Variants in PDE1C observed in about 807,000 individuals in gnomAD.
The protein encoded by PDE1C is phosphodiesterase 1C, also known as dual specificity calcium/calmodulin-dependent 3',5'-cyclic nucleotide phosphodiesterase 1C.
In PDE1C, 62 loss-of-function variants were observed where a neutral mutation model predicts 93.1. The observed-to-expected ratio is 0.67, with a 90% CI of 0.54 to 0.82. The LOEUF (loss-of-function observed/expected upper bound fraction) is 0.82, where lower values mean the gene tolerates loss of function less well. PDE1C is among the 40% of genes least tolerant of loss of function. The pLI is 0.00. For synonymous variants in PDE1C, 325 were observed against 310.1 expected, an observed-to-expected ratio of 1.05 and a Z score of -0.50; for missense variants, 742 against 884.6, an observed-to-expected ratio of 0.84 and a Z score of 2.04.
chr7:31,980,427 C>CA (rs1159973151), intron 2 of PDE1C, among the ~76,000 whole-genome samples: 1 of 152,192 alleles, frequency 6.6e-6, no homozygotes, highest in African/African-American at 2.4e-5. Context: ...ATTTGCCTAA[C>CA]ACCTCTGAGT....
rs190423160 is a variant in PDE1C, at chr7:31,930,949, C to T, written c.129-50089G>A. ...TGTTCAACATATGAAAATCAATAAA[C>T]GTAATCCATCACATAAACAGAACCA... On this transcript the variant is annotated intron_variant, in intron 2 of 17. Coordinates refer to ENST00000396191, the MANE Select transcript of PDE1C (RefSeq NM_001191057.4). Among the ~76,000 whole-genome samples the T allele has an allele frequency of 2.3e-3, 331 of 146,552 alleles. 2 individuals carry two copies. Among genetic ancestry groups the T allele is most frequent in the Middle Eastern group, 0.014 (4 of 278 alleles).
intron 2 of PDE1C, among the ~76,000 whole-genome samples, chr7:31,996,344 T>TG (rs1784728406): frequency 3.5e-5 from 5 of 143,018 alleles, no homozygotes; most frequent in Admixed American, 3.5e-4. Flanking sequence ...TCACCCACAA[T>TG]GATCTTCAAA....
At chr7:32,084,001 A>C (rs958458601) in intron 3 of PDE1C, among the ~76,000 whole-genome samples, 3 of 151,322 alleles carry the variant, frequency 2.0e-5, no homozygotes, top group Non-Finnish European at 2.9e-5. Flanking sequence ...ACACATAACA[A>C]TATTAACTTT....
intron 2 of PDE1C, among the ~76,000 whole-genome samples, chr7:32,040,877 C>A (rs1030123832): frequency 6.6e-6 from 1 of 152,078 alleles, no homozygotes; most frequent in Non-Finnish European, 1.5e-5. Context: ...ATTCCATGTG[C>A]CCCAAAAGAC....
At chr7:31,836,048 G>A (rs1430516271) in intron 11 of PDE1C, among the ~76,000 whole-genome samples, 1 of 152,212 alleles carries the variant, frequency 6.6e-6, no homozygotes, top group Non-Finnish European at 1.5e-5. Flanking sequence ...AATCCATGCT[G>A]TTGAATCTCT....
intron 2 of PDE1C, among the ~76,000 whole-genome samples, chr7:32,021,868 C>G (rs1449905015): frequency 6.6e-6 from 1 of 151,868 alleles, no homozygotes; most frequent in Non-Finnish European, 1.5e-5. Flanking sequence ...GCTCCTCTCT[C>G]AAGAAAAAAA....
intron 17 of PDE1C, among the ~76,000 whole-genome samples, chr7:31,757,114 C>T (rs1794517456): frequency 6.6e-6 from 1 of 152,172 alleles, no homozygotes; most frequent in Non-Finnish European, 1.5e-5. Context: ...TTAGAATATG[C>T]TACTGTGATA....
the PDE1C span, among the ~76,000 whole-genome samples, chr7:31,628,108 G>A: frequency 1.1e-3 from 172 of 152,334 alleles, 1 homozygote; most frequent in Admixed American, 2.6e-3. Context: ...CCTGAGAAGA[G>A]AGACCTCTCA....
the PDE1C span, among the ~76,000 whole-genome samples, chr7:31,679,283 A>G: frequency 6.6e-6 from 1 of 152,198 alleles, no homozygotes; most frequent in Non-Finnish European, 1.5e-5. Context: ...GCAAAAGGCA[A>G]GAGAGTTTCC....
chr7:31,928,253 A>C (rs12216638), intron 2 of PDE1C, among the ~76,000 whole-genome samples: 54,292 of 151,782 alleles, frequency 0.36, 10,870 homozygotes, highest in Non-Finnish European at 0.44. Context: ...AAGAATGAAA[A>C]GGAACAAATA....
At position 31,987,626 on chromosome 7, in the gene PDE1C, C is replaced by G. The variant is rs1011353669; in HGVS notation, c.128+63928G>C. Among the ~76,000 whole-genome samples the G allele has an allele frequency of 2.0e-5, 3 of 152,186 alleles. No individual in the cohort carries two copies. The South Asian group carries it at 6.2e-4, about 32-fold the overall frequency. On this transcript the variant is annotated intron_variant, in intron 2 of 17. Transcript: ENST00000396191. ...GCCAGGGTCTTGGATAATAAAATAT[C>G]CCCTTCCCTAATAAAACCAACTTAT...
chr7:31,960,429 C>T (rs2129030625), intron 2 of PDE1C, among the ~76,000 whole-genome samples: 1 of 152,158 alleles, frequency 6.6e-6, no homozygotes, highest in East Asian at 1.9e-4. Context: ...AGTCTTGACC[C>T]TTCAAATTAC....
At chr7:32,400,329 G>A (rs1385638395) in intron 1 of PDE1C, among the ~76,000 whole-genome samples, 1 of 152,148 alleles carries the variant, frequency 6.6e-6, no homozygotes, top group Non-Finnish European at 1.5e-5. Flanking sequence ...CTCAAGGCAT[G>A]ACCTTTGACA....
intron 1 of PDE1C, among the ~76,000 whole-genome samples, chr7:32,366,485 G>T (rs1784231034): frequency 6.6e-6 from 1 of 152,016 alleles, no homozygotes; most frequent in African/African-American, 2.4e-5. Flanking sequence ...GAATGAAAAA[G>T]ATATAGGGAA....
rs1449399709 is a variant in PDE1C, at chr7:31,829,615, T to C, written c.1204-1242A>G. Among the ~76,000 whole-genome samples the C allele has an allele frequency of 5.9e-5, 9 of 152,200 alleles. No homozygotes were observed. In the East Asian group the frequency reaches 1.7e-3, roughly 30 times the overall value. On this transcript the variant is annotated intron_variant, in intron 11 of 17. Coordinates refer to ENST00000396191, the MANE Select transcript of PDE1C (RefSeq NM_001191057.4). ...AAAAGGGGTGTGTGTCTGAGGCAGC[T>C]CAACAGTGGGGTCACAATGGGAGCT...
chr7:31,628,457 TTTTC>T, the PDE1C span, among the ~76,000 whole-genome samples: 15 of 147,478 alleles, frequency 1.0e-4, no homozygotes, highest in African/African-American at 3.1e-4. Flanking sequence ...CCTTTTTTTT[TTTTC>T]TTTTTTTTTC....
At chr7:32,315,719 G>A (rs997503751) in intron 1 of PDE1C, among the ~76,000 whole-genome samples, 11 of 152,116 alleles carry the variant, frequency 7.2e-5, no homozygotes, top group African/African-American at 1.4e-4. Context: ...TATTTTGGCC[G>A]GCGTGGTGGC....
At chr7:32,169,898 G>A in exon 3 of PDE1C, 1 of 1,612,640 alleles carries the variant, frequency 6.2e-7, no homozygotes, top group Non-Finnish European at 8.5e-7. Context: ...GCTTCTCCTT[G>A]ACATTCCCTG....
chr7:31,884,772 G>A (rs1443428894), intron 2 of PDE1C, among the ~76,000 whole-genome samples: 1 of 152,136 alleles, frequency 6.6e-6, no homozygotes, highest in African/African-American at 2.4e-5. Flanking sequence ...GGGCAAAAGA[G>A]TTTCAAATTA....
Sources: gnomAD v4.1 joint callset for allele counts (sites outside exome capture counted in the v4.1 genomes callset) on GRCh38, gnomAD v4.1.1 for gene constraint, MANE v1.5 for transcripts, NCBI Gene and HGNC (gene_info 2026-07-23, HGNC 2026-07-21) for gene names.